SLCO1B3: variants seen among roughly 807,000 people sequenced by gnomAD.
The protein encoded by SLCO1B3 is liver-specific organic anion transporter 2.
A neutral mutation model predicts 71.8 loss-of-function variants in SLCO1B3; 72 were observed. The observed-to-expected ratio is 1.00, with a 90% CI of 0.83 to 1.22. The LOEUF is 1.22. Among genes scored for constraint, SLCO1B3 ranks in the 50% most tolerant of loss-of-function variants. SLCO1B3 has a pLI of 0.00. For synonymous variants in SLCO1B3, 298 were observed against 278.4 expected (o/e 1.07, Z -0.70); for missense variants, 911 against 819.7 (o/e 1.11, Z -1.36).
At position 20,880,024 on chromosome 12, in the gene SLCO1B3, A is replaced by G. The variant is rs929271619; in HGVS notation, c.1331+393A>G. 5.3e-5 allele frequency among the ~76,000 whole-genome samples: 8 copies of G among 152,064 alleles called. No individual in the cohort carries two copies. In the East Asian group the frequency reaches 1.5e-3, roughly 29 times the overall value. On this transcript the variant is annotated intron_variant, in intron 11 of 15. Coordinates refer to ENST00000381545, the MANE Select transcript of SLCO1B3 (RefSeq NM_019844.4). ...CATTAAATAAAATTATTCATAATGT[A>G]TTTTCTAAATTATCAATCTCCTTAT...
At chr12:20,886,691 A>G (rs751333940) in intron 13 of SLCO1B3, among the ~76,000 whole-genome samples, 13 of 152,018 alleles carry the variant, frequency 8.6e-5, no homozygotes, top group Non-Finnish European at 1.6e-4. Flanking sequence ...ATGGGAGGTG[A>G]AAAAAAGGCT....
At chr12:20,876,380 G>T (rs532477967) in intron 9 of SLCO1B3, among the ~76,000 whole-genome samples, 3 of 152,158 alleles carry the variant, frequency 2.0e-5, no homozygotes, top group Admixed American at 6.5e-5. Flanking sequence ...CTGAAGCAGT[G>T]CAACCAACAC....
chr12:20,842,831 C>T (rs182034913), intron 3 of SLCO1B3, among the ~76,000 whole-genome samples: 13 of 151,938 alleles, frequency 8.6e-5, no homozygotes, highest in Non-Finnish European at 1.5e-4. Flanking sequence ...TTTGTACTGT[C>T]TCTGATCCAA....
At chr12:20,877,628 A>G (rs1445541272) in intron 9 of SLCO1B3, 144 bp from the exon 10 acceptor site, 1 of 320,642 alleles carries the variant, frequency 3.1e-6, no homozygotes, top group South Asian at 1.4e-4. Flanking sequence ...CACATGTTCC[A>G]TTTATTTTGA....
intron 5 of SLCO1B3, 39 bp downstream of exon 5, chr12:20,858,610 A>G: frequency 1.3e-6 from 2 of 1,558,346 alleles, no homozygotes; most frequent in Non-Finnish European, 1.7e-6. Flanking sequence ...ATTATCAGCT[A>G]CTTGTAAATT....
At chr12:20,866,443 G>A (rs987780457) in intron 8 of SLCO1B3, among the ~76,000 whole-genome samples, 1 of 131,376 alleles carries the variant, frequency 7.6e-6, no homozygotes, top group Non-Finnish European at 1.7e-5. Context: ...TATCAGAAAG[G>A]CATAACTGTA....
intron 15 of SLCO1B3, among the ~76,000 whole-genome samples, chr12:20,909,509 A>G (rs1189830008): frequency 1.3e-5 from 2 of 151,442 alleles, no homozygotes; most frequent in African/African-American, 2.4e-5. Flanking sequence ...TGCCACCTCT[A>G]TATTTTTTGT....
chr12:20,906,809 T>TA (rs968490512), intron 15 of SLCO1B3, among the ~76,000 whole-genome samples: 2 of 152,108 alleles, frequency 1.3e-5, no homozygotes, highest in Non-Finnish European at 2.9e-5. Flanking sequence ...GAATTATAAT[T>TA]AAAAATCACC....
At chr12:20,817,623 T>C (rs1248811831) in intron 3 of SLCO1B3, among the ~76,000 whole-genome samples, 3 of 152,134 alleles carry the variant, frequency 2.0e-5, no homozygotes, top group Non-Finnish European at 4.4e-5. Flanking sequence ...AGTCTCGCTC[T>C]GTCACCCAGG....
chr12:20,890,771 T>G (rs1449346693), intron 13 of SLCO1B3, among the ~76,000 whole-genome samples: 3 of 152,202 alleles, frequency 2.0e-5, no homozygotes, highest in Non-Finnish European at 4.4e-5. Context: ...ATAACCTTCT[T>G]TGTCATTATT....
At chr12:20,818,151 G>T (rs1318201332) in intron 3 of SLCO1B3, among the ~76,000 whole-genome samples, 3 of 152,096 alleles carry the variant, frequency 2.0e-5, no homozygotes, top group Non-Finnish European at 2.9e-5. Context: ...AGCTTAAATG[G>T]GCTGTACCTT....
At chr12:20,837,640 T>C (rs996138795) in intron 3 of SLCO1B3, among the ~76,000 whole-genome samples, 1 of 152,158 alleles carries the variant, frequency 6.6e-6, no homozygotes, top group Non-Finnish European at 1.5e-5. Context: ...TTTCTGTTAT[T>C]GATTCTACTT....
At chr12:20,823,057 C>A (rs978683899) in intron 3 of SLCO1B3, among the ~76,000 whole-genome samples, 3 of 151,976 alleles carry the variant, frequency 2.0e-5, no homozygotes, top group African/African-American at 7.3e-5. Context: ...GTTGTGAAAT[C>A]TTATGTCCTG....
rs1866488657 is a variant in SLCO1B3 at position 20,916,074 on chromosome 12, G to T, written c.1936G>T (p.Ala646Ser). 4 of 1,611,576 alleles carry T rather than the reference G, an allele frequency of 2.5e-6. No homozygotes were observed. In the East Asian group the frequency reaches 6.7e-5, roughly 27 times the overall value. ...TGTTTTATATATTGTTTTCATTTTT[G>T]CTATGAAGAAAAAATTTCAAGGAAA... is the stretch of plus-strand genomic sequence containing the variant. ...ALVLYIVFIFAMKKKFQGKDT... is the reference protein window; with the variant it reads ...ALVLYIVFIFSMKKKFQGKDT... Residue 646 changes from alanine to serine, a missense_variant, in exon 16 of 16, where the codon GCT (alanine) becomes TCT (serine). Physicochemically the swap from Ala to Ser is moderately conservative, Grantham distance 99 (BLOSUM62 1). Coordinates refer to ENST00000381545, the MANE Select transcript of SLCO1B3 (RefSeq NM_019844.4).
intron 14 of SLCO1B3, 98 bp from the exon 15 acceptor site, chr12:20,901,252 T>C (rs998770530): frequency 2.4e-6 from 2 of 828,252 alleles, no homozygotes; most frequent in African/African-American, 1.8e-5. Flanking sequence ...TCCAAAACTT[T>C]AAACTTGTAT....
intron 3 of SLCO1B3, among the ~76,000 whole-genome samples, chr12:20,818,940 A>T (rs1447852435): frequency 6.6e-6 from 1 of 152,254 alleles, no homozygotes; most frequent in East Asian, 1.9e-4. Flanking sequence ...GACTTAACAA[A>T]GAGTGAGTAC....
chr12:20,884,501 T>C (rs1473418022), intron 13 of SLCO1B3, among the ~76,000 whole-genome samples: 2 of 152,014 alleles, frequency 1.3e-5, no homozygotes, highest in African/African-American at 4.8e-5. Flanking sequence ...CTAGAATTTT[T>C]GAGGAATGAA....
chr12:20,829,677 T>C (rs1864498887), intron 3 of SLCO1B3, among the ~76,000 whole-genome samples: 1 of 152,130 alleles, frequency 6.6e-6, no homozygotes, highest in African/African-American at 2.4e-5. Flanking sequence ...AGTGAAAAGT[T>C]AAAGCAAGTT....
intron 3 of SLCO1B3, among the ~76,000 whole-genome samples, chr12:20,831,481 A>G (rs1292813726): frequency 6.6e-6 from 1 of 152,206 alleles, no homozygotes; most frequent in East Asian, 1.9e-4. Flanking sequence ...TCACTAAGTT[A>G]AATTGTTAAC....
Sources: allele counts gnomAD v4.1 joint callset (sites outside exome capture counted in the v4.1 genomes callset), GRCh38; gene constraint gnomAD v4.1.1; transcripts MANE v1.5; gene names NCBI Gene and HGNC (gene_info 2026-07-23, HGNC 2026-07-21).